The following ARNT2 variants were observed in gnomAD, a reference collection of about 807,000 sequenced individuals.
The protein encoded by ARNT2 is aryl hydrocarbon receptor nuclear translocator 2.
A neutral mutation model predicts 91.7 loss-of-function variants in ARNT2; 36 were observed. The ratio of observed to expected loss-of-function variants is 0.39; its 90% CI spans 0.30 to 0.52. The LOEUF (loss-of-function observed/expected upper bound fraction) is 0.52. Ranked by LOEUF, ARNT2 falls within the 20% of genes least tolerant of loss-of-function variation. ARNT2 has a pLI of 0.72. For missense variants in ARNT2, 775 were observed against 939.3 expected (o/e 0.83, Z 2.29); for synonymous variants, 365 against 347.1 (o/e 1.05, Z -0.57).
intron 1 of ARNT2, among the ~76,000 whole-genome samples, chr15:80,412,814 G>A (rs555411492): frequency 6.0e-4 from 92 of 152,288 alleles, no homozygotes; most frequent in African/African-American, 2.2e-3. Context: ...ACAGTCAAAT[G>A]GATTTATATA....
At chr15:80,500,304 A>G (rs922628629) in intron 5 of ARNT2, among the ~76,000 whole-genome samples, 17 of 152,198 alleles carry the variant, frequency 1.1e-4, no homozygotes, top group Non-Finnish European at 2.2e-4. Context: ...TCAGGGGGAC[A>G]CATTTTTGGA....
chr15:80,558,045 A>G (rs546435176), intron 11 of ARNT2, among the ~76,000 whole-genome samples: 35 of 152,272 alleles, frequency 2.3e-4, no homozygotes, highest in Admixed American at 1.1e-3. Context: ...TTCCTTGAAC[A>G]TGCTTTTCCC....
At chr15:80,428,369 G>A (rs184709193) in intron 1 of ARNT2, among the ~76,000 whole-genome samples, 1 of 152,250 alleles carries the variant, frequency 6.6e-6, no homozygotes, top group Non-Finnish European at 1.5e-5. Flanking sequence ...TACAGATGGA[G>A]AGGAATCAGA....
At chr15:80,568,846 C>T (rs1898532197) in intron 12 of ARNT2, among the ~76,000 whole-genome samples, 1 of 152,230 alleles carries the variant, frequency 6.6e-6, no homozygotes, top group Non-Finnish European at 1.5e-5. Flanking sequence ...AAGTGATCAT[C>T]GGTCTTCCTG....
rs189222251 is a variant in ARNT2 at position 80,513,045 on chromosome 15, G to A, written c.726-866G>A. On this transcript the variant is annotated intron_variant, in intron 6 of 18. Transcript: ENST00000303329. ...TCCTGTGAAGACCACACTAGTGCTG[G>A]CAGCTGTCTAAGGTCTCAGAGTATA... 2.4e-3 allele frequency among the ~76,000 whole-genome samples: 373 copies of A among 152,334 alleles called. 2 individuals carry two copies. The highest frequency in any genetic ancestry group is 4.6e-3 in the South Asian group (22 of 4,822).
chr15:80,440,603 C>T (rs145007509), intron 1 of ARNT2, among the ~76,000 whole-genome samples: 60 of 152,272 alleles, frequency 3.9e-4, no homozygotes, highest in African/African-American at 1.4e-3. Flanking sequence ...GCACTGTTAG[C>T]TGAGGTGGGA....
intron 4 of ARNT2, among the ~76,000 whole-genome samples, chr15:80,472,790 T>C (rs1285317986): frequency 6.6e-6 from 1 of 152,176 alleles, no homozygotes; most frequent in Admixed American, 6.5e-5. Flanking sequence ...TGAGGTATAA[T>C]GAAGGGTAAA....
At chr15:80,458,415 T>G (rs1353685910) in intron 3 of ARNT2, among the ~76,000 whole-genome samples, 2 of 152,274 alleles carry the variant, frequency 1.3e-5, no homozygotes, top group African/African-American at 4.8e-5. Context: ...AGTCTTTTAT[T>G]GCTACCATGG....
At position 80,474,882 on chromosome 15, in the gene ARNT2, TC is replaced by T. The variant is rs1896777628; in HGVS notation, c.409-125del. The T allele has an allele frequency of 7.0e-6, 7 of 997,180 alleles. No individual in the cohort carries two copies. The East Asian group carries it at 1.7e-4, about 24-fold the overall frequency. The allele number at this position is 997,180 out of a possible 1,614,324, so 61.8% of individuals were successfully genotyped here. A position where few individuals can be genotyped will look rare whatever the true frequency, so the allele number is the denominator to read the frequency against. On this transcript the variant is annotated intron_variant, in intron 4 of 18. Transcript: ENST00000303329. ...ATTTTCCAGAAACAAAGTTCTCATTTCCCAAACTATTTGTGTACCAGAATAA... is the reference window on the plus strand; with the variant it reads ...ATTTTCCAGAAACAAAGTTCTCATTTCCAAACTATTTGTGTACCAGAATAA...
intron 8 of ARNT2, among the ~76,000 whole-genome samples, chr15:80,536,874 A>G (rs1181429061): frequency 6.6e-6 from 1 of 152,064 alleles, no homozygotes; most frequent in Non-Finnish European, 1.5e-5. Context: ...TTCCAGATGA[A>G]TGAAGTGCTT....
At chr15:80,415,397 C>A (rs187385293) in intron 1 of ARNT2, among the ~76,000 whole-genome samples, 49 of 152,344 alleles carry the variant, frequency 3.2e-4, no homozygotes, top group South Asian at 2.3e-3. Flanking sequence ...ACAGAGCTTT[C>A]CTGTGTGGCA....
intron 1 of ARNT2, among the ~76,000 whole-genome samples, chr15:80,422,085 C>A (rs1156609138): frequency 6.6e-6 from 1 of 152,072 alleles, no homozygotes; most frequent in Non-Finnish European, 1.5e-5. Context: ...AGAGGTGAGA[C>A]CTCCTCCTTC....
At chr15:80,573,027 G>A (rs778373796) in intron 12 of ARNT2, among the ~76,000 whole-genome samples, 4 of 152,302 alleles carry the variant, frequency 2.6e-5, no homozygotes, top group African/African-American at 7.2e-5. Flanking sequence ...CAGCTCAGCA[G>A]CAGGATGACC....
intron 5 of ARNT2, among the ~76,000 whole-genome samples, chr15:80,485,586 T>TG (rs1896958743): frequency 6.6e-6 from 1 of 152,168 alleles, no homozygotes; most frequent in Admixed American, 6.5e-5. Context: ...GAATGGGACA[T>TG]GTCTGGGCAG....
intron 17 of ARNT2, among the ~76,000 whole-genome samples, chr15:80,584,068 C>T (rs1046837851): frequency 2.0e-5 from 3 of 152,192 alleles, no homozygotes; most frequent in Non-Finnish European, 4.4e-5. Flanking sequence ...TGTTGAAAGC[C>T]AGGCTGTGGT....
intron 12 of ARNT2, among the ~76,000 whole-genome samples, chr15:80,566,092 G>A (rs1043954985): frequency 6.6e-6 from 1 of 152,148 alleles, no homozygotes; most frequent in Non-Finnish European, 1.5e-5. Flanking sequence ...AGGCAGAGTC[G>A]GCCCCGGTAA....
chr15:80,539,565 A>G (rs185862457), intron 8 of ARNT2, among the ~76,000 whole-genome samples: 1 of 152,306 alleles, frequency 6.6e-6, no homozygotes, highest in East Asian at 1.9e-4. Flanking sequence ...TTGTTATTCA[A>G]CAATGTTTTG....
At chr15:80,475,336 C>G in intron 5 of ARNT2, 113 bp downstream of exon 5, 1 of 1,079,052 alleles carries the variant, frequency 9.3e-7, no homozygotes, top group Non-Finnish European at 1.4e-6. Flanking sequence ...GGGTGGATCA[C>G]GAGGTCAGGA....
At chr15:80,482,605 A>G (rs1284465055) in intron 5 of ARNT2, among the ~76,000 whole-genome samples, 1 of 152,152 alleles carries the variant, frequency 6.6e-6, no homozygotes, top group Non-Finnish European at 1.5e-5. Flanking sequence ...GTGACCCAAT[A>G]TCCCTGGGGC....
Sources: gnomAD v4.1 joint callset for allele counts (sites outside exome capture counted in the v4.1 genomes callset) on GRCh38, gnomAD v4.1.1 for gene constraint, MANE v1.5 for transcripts, NCBI Gene and HGNC (gene_info 2026-07-23, HGNC 2026-07-21) for gene names.